ZNF589: variants seen among roughly 807,000 people sequenced by gnomAD.
ZNF589 encodes KRAB-zinc finger protein SZF1-1.
A neutral mutation model predicts 13.6 loss-of-function variants in ZNF589; 17 were observed. The ratio of observed to expected loss-of-function variants is 1.25; its 90% CI spans 0.86 to 1.88. ZNF589 has a LOEUF of 1.88. Ranked by LOEUF, ZNF589 falls within the 40% of genes most tolerant of loss-of-function variation. The probability of loss-of-function intolerance (pLI) is 0.00; values close to 1 mark genes in which losing one functional copy is unlikely to be tolerated. For synonymous variants in ZNF589, 148 were observed against 161.6 expected, an observed-to-expected ratio of 0.92 and a Z score of 0.64; for missense variants, 407 against 434.0, an observed-to-expected ratio of 0.94 and a Z score of 0.55.
At position 48,268,720 on chromosome 3, in the gene ZNF589, A is replaced by G. The variant is rs1559984183; in HGVS notation, c.1029A>G (p.Glu343=). The part of the protein sequence containing the change: ...MCTVCGRGFR[E]KSELIKHQRI... ...CAGTGTGTGGGCGAGGCTTTCGTGA[A>G]AAGTCAGAGCTCATTAAGCACCAGA... The change falls in exon 4 of 4, where the codon GAA becomes GAG. Residue 343 remains glutamate, a synonymous_variant. Transcript: ENST00000354698. 6.2e-7 allele frequency: 1 copy of G among 1,611,090 alleles called. No individual in the cohort carries two copies. Among genetic ancestry groups the G allele is most frequent in the Middle Eastern group, 1.7e-4 (1 of 6,042 alleles).
In ZNF589 at chr3:48,268,437, T is replaced by C. The variant is rs2034046592; in HGVS notation, c.746T>C (p.Val249Ala). Residue 249 changes from valine (V) to alanine (A), a missense_variant, in exon 4 of 4, where the codon GTG becomes GCG. Physicochemically the swap from Val to Ala is moderately conservative, Grantham distance 64. Transcript: ENST00000354698. ...EKSSDKRQSQ[V>A]CRECGRGFSR... is the part of the protein sequence containing the mutation. ...TCTTCAGACAAAAGGCAGTCACAGGTGTGCAGGGAGTGTGGGCGAGGCTTT... is the reference window on the plus strand; with the variant it reads ...TCTTCAGACAAAAGGCAGTCACAGGCGTGCAGGGAGTGTGGGCGAGGCTTT... 1 of 1,614,002 alleles carries C rather than the reference T, an allele frequency of 6.2e-7. No individual in the cohort carries two copies. Among genetic ancestry groups the C allele is most frequent in the Non-Finnish European group, 8.5e-7 (1 of 1,180,026 alleles).
At chr3:48,253,411 A>G (rs1207545847) in intron 2 of ZNF589, among the ~76,000 whole-genome samples, 2 of 152,110 alleles carry the variant, frequency 1.3e-5, no homozygotes, top group African/African-American at 2.4e-5. Context: ...TTTAGTTTTA[A>G]TGACCATTTT....
intron 2 of ZNF589, among the ~76,000 whole-genome samples, chr3:48,251,858 C>T (rs974517252): frequency 6.6e-6 from 1 of 151,848 alleles, no homozygotes; most frequent in African/African-American, 2.4e-5. Context: ...GCCTGGGCAA[C>T]GTGGCGAAAC....
At chr3:48,265,271 CTTTTTTTTTTTTTTT>C (rs35060812) in intron 3 of ZNF589, among the ~76,000 whole-genome samples, 3 of 47,838 alleles carry the variant, frequency 6.3e-5, no homozygotes, top group Non-Finnish European at 8.1e-5. Flanking sequence ...TGTGCCCGGC[CTTTTTTTTTTTTTTT>C]TTTTTTTTTT....
chr3:48,250,860 A>G (rs968909378), intron 2 of ZNF589, among the ~76,000 whole-genome samples: 9 of 152,106 alleles, frequency 5.9e-5, no homozygotes, highest in African/African-American at 2.2e-4. Flanking sequence ...GATGAGCAAG[A>G]GTTTTAAAAT....
chr3:48,266,819 T>C (rs2034024408), intron 3 of ZNF589, among the ~76,000 whole-genome samples: 1 of 152,222 alleles, frequency 6.6e-6, no homozygotes, highest in East Asian at 1.9e-4. Flanking sequence ...CATCCAGACA[T>C]CCTCAGTGTT....
chr3:48,253,309 G>A (rs1381113306), intron 2 of ZNF589, among the ~76,000 whole-genome samples: 1 of 152,210 alleles, frequency 6.6e-6, no homozygotes, highest in African/African-American at 2.4e-5. Context: ...TGGACTACAG[G>A]TGTGGGCCAC....
chr3:48,250,320 T>C (rs1349932385), intron 2 of ZNF589, among the ~76,000 whole-genome samples: 2 of 149,686 alleles, frequency 1.3e-5, no homozygotes, highest in African/African-American at 4.9e-5. Context: ...TTTTTTTTTT[T>C]TTTTTTTAAT....
chr3:48,263,684 C>T (rs185022572), intron 3 of ZNF589, among the ~76,000 whole-genome samples: 92 of 152,100 alleles, frequency 6.0e-4, no homozygotes, highest in African/African-American at 2.0e-3. Flanking sequence ...GCTTGAACCC[C>T]GGAGGCGGAG....
At chr3:48,245,713 G>C (rs762578062) in intron 1 of ZNF589, among the ~76,000 whole-genome samples, 2 of 152,190 alleles carry the variant, frequency 1.3e-5, no homozygotes. Context: ...TTGGGAGGCC[G>C]AGGCAGGCAG....
At chr3:48,262,315 G>A (rs977952341) in intron 3 of ZNF589, among the ~76,000 whole-genome samples, 3 of 151,726 alleles carry the variant, frequency 2.0e-5, no homozygotes, top group Admixed American at 6.6e-5. Flanking sequence ...TCAGCCTCCC[G>A]AGTAGCTGGG....
At position 48,270,140 on chromosome 3, in the gene ZNF589, T is replaced by A; in HGVS notation, c.*1354T>A. On this transcript the variant is annotated 3_prime_UTR_variant, in exon 4 of 4. Coordinates refer to ENST00000354698, the MANE Select transcript of ZNF589 (RefSeq NM_016089.3). The stretch of plus-strand genomic sequence containing the variant: ...GACACTCTCCTGCTTTATTTTTTTC[T>A]ACATCTCTAGCCTTTGCTGTTTCCT... 2.2e-6 allele frequency: 1 copy of A among 457,046 alleles called. No individual in the cohort carries two copies. Among genetic ancestry groups the A allele is most frequent in the Non-Finnish European group, 4.4e-6 (1 of 227,034 alleles). The allele number at this position is 457,046 out of a possible 1,614,324, so 28.3% of individuals were successfully genotyped here. A position where few individuals can be genotyped will look rare whatever the true frequency, so the allele number is the denominator to read the frequency against.
intron 1 of ZNF589, 105 bp downstream of exon 1, chr3:48,241,319 T>G (rs2033695938): frequency 7.0e-7 from 1 of 1,419,206 alleles, no homozygotes; most frequent in Non-Finnish European, 9.6e-7. Context: ...GTGCGAGCTG[T>G]GTGAGGCGCT....
Position 48,269,186 on chromosome 3 carries a change from C to A in ZNF589, c.*400C>A. The A allele has an allele frequency of 2.7e-6, 3 of 1,121,602 alleles. No individual in the cohort carries two copies. The highest frequency in any genetic ancestry group is 1.4e-5 in the South Asian group (1 of 73,888). 69.5% of individuals were successfully genotyped at this position (1,121,602 alleles called of 1,614,324 possible). ...TCAGAGGATACACTCTGGGGAGAAGCCTTATGCATGCACGGAGTGTGGGCA... is the reference window on the plus strand; with the variant it reads ...TCAGAGGATACACTCTGGGGAGAAGACTTATGCATGCACGGAGTGTGGGCA... On this transcript the variant is annotated 3_prime_UTR_variant, in exon 4 of 4. Coordinates refer to ENST00000354698, the MANE Select transcript of ZNF589 (RefSeq NM_016089.3).
chr3:48,244,092 G>A (rs2033733867), intron 1 of ZNF589, among the ~76,000 whole-genome samples: 1 of 152,166 alleles, frequency 6.6e-6, no homozygotes, highest in Non-Finnish European at 1.5e-5. Flanking sequence ...GCAGAGTCAG[G>A]ACTCAGGAGG....
At chr3:48,253,393 C>A (rs540366968) in intron 2 of ZNF589, among the ~76,000 whole-genome samples, 6 of 152,144 alleles carry the variant, frequency 3.9e-5, no homozygotes, top group Admixed American at 1.3e-4. Context: ...CAACTTTATT[C>A]AGATTTCTTT....
At chr3:48,251,227 A>G (rs1180217664) in intron 2 of ZNF589, among the ~76,000 whole-genome samples, 1 of 152,158 alleles carries the variant, frequency 6.6e-6, no homozygotes, top group Non-Finnish European at 1.5e-5. Context: ...CCTTGAGCAG[A>G]GGAACCTATA....
intron 3 of ZNF589, 81 bp from the exon 4 acceptor site, chr3:48,267,834 A>T: frequency 7.2e-7 from 1 of 1,393,686 alleles, no homozygotes; most frequent in Non-Finnish European, 9.6e-7. Context: ...GAGAATGATT[A>T]ATGGGCCAGG....
chr3:48,257,170 G>C (rs928749261), intron 2 of ZNF589: 1 of 378,736 alleles, frequency 2.6e-6, no homozygotes, highest in Non-Finnish European at 5.2e-6. Flanking sequence ...GGATTCATAG[G>C]ATGGGTTAGG....
Sources: gnomAD v4.1 joint callset for allele counts (sites outside exome capture counted in the v4.1 genomes callset) on GRCh38, gnomAD v4.1.1 for gene constraint, MANE v1.5 for transcripts, NCBI Gene and HGNC (gene_info 2026-07-23, HGNC 2026-07-21) for gene names.